Variants in ADK observed in about 807,000 individuals in gnomAD.
ADK encodes adenosine kinase.
ADK carries 24 observed loss-of-function variants against 44.7 expected under a neutral mutation model. The ratio of observed to expected loss-of-function variants is 0.54; its 90% confidence interval spans 0.39 to 0.76. ADK has a LOEUF of 0.76. Among genes scored for constraint, ADK ranks in the 30% least tolerant of loss-of-function variants. The pLI, the probability that ADK is intolerant of heterozygous loss-of-function variation, is 0.00. For missense variants in ADK, 321 were observed against 425.1 expected (o/e 0.76, Z 2.15); for synonymous variants, 128 against 142.6 (o/e 0.90, Z 0.73).
At chr10:74,368,056 T>C (rs1842547482) in intron 4 of ADK, among the ~76,000 whole-genome samples, 1 of 152,194 alleles carries the variant, frequency 6.6e-6, no homozygotes, top group South Asian at 2.1e-4. Context: ...TTTTAGAAAT[T>C]ATGTATTGGC....
rs372655032 is a variant in ADK, at chr10:74,572,199, A to G, written c.727-17083A>G. Among the ~76,000 whole-genome samples, 21 of 152,158 alleles carry G rather than the reference A, an allele frequency of 1.4e-4. 1 individual carries two copies. The South Asian group carries it at 2.1e-3, about 15-fold the overall frequency. On this transcript the variant is annotated intron_variant, in intron 7 of 10. Transcript: ENST00000539909. ...CAGGAGCTCTTTTAGGGCAGGCCTG[A>G]TGGTGACAAAATCTCTCAGCATTTG... is the stretch of plus-strand genomic sequence containing the variant.
At chr10:74,450,483 A>G (rs1048518145) in intron 6 of ADK, among the ~76,000 whole-genome samples, 3 of 152,224 alleles carry the variant, frequency 2.0e-5, no homozygotes, top group African/African-American at 7.2e-5. Flanking sequence ...AAGATAATAA[A>G]TACTGCTTGA....
Position 74,655,941 on chromosome 10 carries a change from G to A in ADK, c.878-14242G>A, listed in dbSNP as rs147461834. 406 of 696,624 alleles carry A rather than the reference G, an allele frequency of 5.8e-4. 1 individual carries two copies. In the African/African-American group the frequency reaches 6.3e-3, roughly 11 times the overall value. The allele number at this position is 696,624 out of a possible 1,614,324, so 43.2% of individuals were successfully genotyped here. A position where few individuals can be genotyped will look rare whatever the true frequency, so the allele number is the denominator to read the frequency against. On this transcript the variant is annotated intron_variant, in intron 9 of 10. Coordinates refer to ENST00000539909, the MANE Select transcript of ADK (RefSeq NM_006721.4). ...TGGCAAGCTGCCCATCTGCAAGTCC[G>A]AAAGGGTGCAACTCCTCCTGGGCAA...
chr10:74,279,177 G>T (rs1846819772), intron 3 of ADK, among the ~76,000 whole-genome samples: 1 of 152,208 alleles, frequency 6.6e-6, no homozygotes, highest in African/African-American at 2.4e-5. Context: ...TACTCGGGAG[G>T]CTGAGGCAGG....
chr10:74,659,247 A>G (rs778363564), intron 9 of ADK, among the ~76,000 whole-genome samples: 1 of 152,152 alleles, frequency 6.6e-6, no homozygotes, highest in Non-Finnish European at 1.5e-5. Flanking sequence ...AGTCACACAC[A>G]CTAAACAAAG....
intron 3 of ADK, among the ~76,000 whole-genome samples, chr10:74,251,591 T>A (rs1435090203): frequency 6.6e-6 from 1 of 152,210 alleles, no homozygotes; most frequent in Non-Finnish European, 1.5e-5. Flanking sequence ...ATTATTACTA[T>A]CTGGATTTTC....
chr10:74,354,097 A>G (rs967926120), intron 4 of ADK, among the ~76,000 whole-genome samples: 1 of 152,226 alleles, frequency 6.6e-6, no homozygotes, highest in African/African-American at 2.4e-5. Context: ...AACACAAGCA[A>G]CTAAATCACT....
chr10:74,551,638 AAT>A (rs1220573456), intron 7 of ADK: 2 of 152,228 alleles, frequency 1.3e-5, no homozygotes, highest in Non-Finnish European at 2.9e-5. Context: ...AGTGGAAGAA[AAT>A]ATGTTTGTAC....
chr10:74,206,660 G>T (rs1156497901), intron 2 of ADK, among the ~76,000 whole-genome samples: 2 of 152,198 alleles, frequency 1.3e-5, no homozygotes, highest in Admixed American at 1.3e-4. Flanking sequence ...TGGTGAACAT[G>T]CCTCCAGATG....
At chr10:74,275,381 G>T (rs1427891646) in intron 3 of ADK, among the ~76,000 whole-genome samples, 4 of 152,100 alleles carry the variant, frequency 2.6e-5, no homozygotes, top group African/African-American at 9.7e-5. Context: ...GCATGTCTAA[G>T]TGCCAGTCTT....
intron 4 of ADK, among the ~76,000 whole-genome samples, chr10:74,326,266 T>G (rs1265668922): frequency 6.6e-6 from 1 of 152,176 alleles, no homozygotes; most frequent in Non-Finnish European, 1.5e-5. Context: ...TCCTCTTTAT[T>G]TTTTAAAAAT....
chr10:74,176,886 G>A, intron 1 of ADK: 7 of 1,610,106 alleles, frequency 4.3e-6, no homozygotes, highest in Non-Finnish European at 5.9e-6. Context: ...ACGTCAGTCA[G>A]GTAACGAGCG....
intron 9 of ADK, among the ~76,000 whole-genome samples, chr10:74,621,226 G>C (rs1234588418): frequency 6.6e-6 from 1 of 152,084 alleles, no homozygotes; most frequent in African/African-American, 2.4e-5. Context: ...TCCATTTTGA[G>C]TTGATTTTTA....
intron 3 of ADK, among the ~76,000 whole-genome samples, chr10:74,267,399 G>A (rs1846249699): frequency 6.6e-6 from 1 of 152,126 alleles, no homozygotes; most frequent in Non-Finnish European, 1.5e-5. Flanking sequence ...TCCAAGTTGG[G>A]TCCTGGATCC....
intron 3 of ADK, among the ~76,000 whole-genome samples, chr10:74,234,956 T>C (rs1295742534): frequency 6.6e-6 from 1 of 152,160 alleles, no homozygotes; most frequent in African/African-American, 2.4e-5. Context: ...TTTAATAACA[T>C]ATACAAAATA....
intron 6 of ADK, among the ~76,000 whole-genome samples, chr10:74,517,786 C>T (rs1848652907): frequency 6.6e-6 from 1 of 151,932 alleles, no homozygotes. Flanking sequence ...GTGAATTATT[C>T]TCTTCTATTT....
At chr10:74,341,645 T>A (rs567152710) in intron 4 of ADK, among the ~76,000 whole-genome samples, 1 of 152,218 alleles carries the variant, frequency 6.6e-6, no homozygotes, top group African/African-American at 2.4e-5. Context: ...TTTACACTCC[T>A]TAATCCTAAA....
chr10:74,300,311 T>TTTCC lies in ADK; in HGVS notation c.195-14309_195-14306dup, dbSNP rs1213221623. Among the ~76,000 whole-genome samples, 480 of 66,734 alleles carry TTTCC rather than the reference T, an allele frequency of 7.2e-3. 4 individuals carry two copies. Among genetic ancestry groups the TTTCC allele is most frequent in the Middle Eastern group, 0.022 (3 of 138 alleles). 43.8% of individuals were successfully genotyped at this position (66,734 alleles called of 152,430 possible). On this transcript the variant is annotated intron_variant, in intron 3 of 10. Transcript: ENST00000539909. Reference sequence around the variant, plus strand: ...CCTTCCTTCCTTCCTTCCTTCCTTCTTTCCTTCCTTCCTTCCTTCCTTCCT... The same window carrying TTTCC: ...CCTTCCTTCCTTCCTTCCTTCCTTCTTTCCTTCCTTCCTTCCTTCCTTCCTTCCT...
intron 3 of ADK, among the ~76,000 whole-genome samples, chr10:74,302,629 A>G (rs1288924483): frequency 2.6e-5 from 4 of 152,022 alleles, no homozygotes; most frequent in African/African-American, 9.7e-5. Flanking sequence ...CTCGTCTCTT[A>G]ACAAAAATAT....
Sources: gnomAD v4.1 joint callset for allele counts (sites outside exome capture counted in the v4.1 genomes callset) on GRCh38, gnomAD v4.1.1 for gene constraint, MANE v1.5 for transcripts, NCBI Gene and HGNC (gene_info 2026-07-23, HGNC 2026-07-21) for gene names.